The following RTN1 variants were observed in gnomAD, a reference collection of about 807,000 sequenced individuals.
RTN1 encodes the protein reticulon 1.
RTN1 carries 25 observed loss-of-function variants against 65.5 expected under a neutral mutation model. That is an observed-to-expected ratio of 0.38 (90% CI 0.28 to 0.53). RTN1 has a LOEUF of 0.53. Among genes scored for constraint, RTN1 ranks in the 20% least tolerant of loss-of-function variants. RTN1 has a pLI of 0.79. For synonymous variants in RTN1, 471 were observed against 447.6 expected, an observed-to-expected ratio of 1.05 and a Z score of -0.66; for missense variants, 983 against 1,025.4, an observed-to-expected ratio of 0.96 and a Z score of 0.57.
chr14:59,659,385 G>A (rs1883193652), intron 3 of RTN1, among the ~76,000 whole-genome samples: 1 of 152,092 alleles, frequency 6.6e-6, no homozygotes, highest in Non-Finnish European at 1.5e-5. Context: ...AGGAACCACA[G>A]AGAACACCAC....
intron 1 of RTN1, among the ~76,000 whole-genome samples, chr14:59,813,299 T>C (rs1264413431): frequency 6.6e-6 from 1 of 152,220 alleles, no homozygotes; most frequent in Non-Finnish European, 1.5e-5. Context: ...TCTAAAAATC[T>C]TCCACGAGAA....
At chr14:59,621,918 T>C (rs1414713762) in intron 3 of RTN1, among the ~76,000 whole-genome samples, 1 of 152,268 alleles carries the variant, frequency 6.6e-6, no homozygotes, top group Non-Finnish European at 1.5e-5. Context: ...CAATAAATTG[T>C]GCATAATTAT....
Position 59,638,407 on chromosome 14 carries a change from T to C in RTN1, c.1766-30915A>G, listed in dbSNP as rs547468085. On this transcript the variant is annotated intron_variant, in intron 3 of 8. Coordinates refer to ENST00000267484, the MANE Select transcript of RTN1 (RefSeq NM_021136.3). ...TATGCTGTAAACAGATGTCCTGTTA[T>C]CCAGGCTTTGATGTTAAATTTATTG... Among the ~76,000 whole-genome samples, 45 of 152,334 alleles carry C rather than the reference T, an allele frequency of 3.0e-4. 2 individuals are homozygous for C. The South Asian group carries it at 9.1e-3, about 31-fold the overall frequency.
chr14:59,626,034 T>C (rs2140180695), intron 3 of RTN1, among the ~76,000 whole-genome samples: 1 of 152,350 alleles, frequency 6.6e-6, no homozygotes, highest in East Asian at 1.9e-4. Context: ...AATATTTGTA[T>C]AATACTTTAA....
chr14:59,827,948 C>T (rs929156645), intron 1 of RTN1, among the ~76,000 whole-genome samples: 1 of 152,206 alleles, frequency 6.6e-6, no homozygotes, highest in African/African-American at 2.4e-5. Flanking sequence ...AATTTAAGTT[C>T]TCCCGTACAA....
In RTN1 at chr14:59,607,295, G is replaced by T. The variant is rs750081831; in HGVS notation, c.1963C>A (p.His655Asn). Residue 655 changes from histidine (H) to asparagine (N), a missense_variant, in exon 4 of 9, where the codon CAC (histidine) becomes AAC (asparagine). His to Asn is a moderately conservative substitution (Grantham distance 68). This residue lies in a region of RTN1 where 165 missense variants were observed against 223.6 expected (regional missense o/e 0.74). Coordinates refer to ENST00000267484, the MANE Select transcript of RTN1 (RefSeq NM_021136.3). ...LQAVQKTDEGHPFKAYLELEI... is the reference protein window; with the variant it reads ...LQAVQKTDEGNPFKAYLELEI... Reference sequence around the variant, plus strand: ...AGCTGAGGCACTCACTTGAAAGGGTGGCCTTCGTCGGTTTTCTGCACTGCT... The same window carrying T: ...AGCTGAGGCACTCACTTGAAAGGGTTGCCTTCGTCGGTTTTCTGCACTGCT... 2 of 1,613,802 alleles carry T rather than the reference G, an allele frequency of 1.2e-6. No individual in the cohort carries two copies. Among genetic ancestry groups the T allele is most frequent in the Non-Finnish European group, 1.7e-6 (2 of 1,179,882 alleles).
chr14:59,607,042 A>G (rs1045105876), intron 4 of RTN1, among the ~76,000 whole-genome samples: 13 of 152,268 alleles, frequency 8.5e-5, no homozygotes, highest in African/African-American at 3.1e-4. Context: ...GATTATGATT[A>G]CTGTTAATAG....
intron 1 of RTN1, among the ~76,000 whole-genome samples, chr14:59,780,647 C>CT (rs139018684): frequency 1.3e-5 from 2 of 151,960 alleles, no homozygotes; most frequent in East Asian, 3.9e-4. Context: ...TTTTGTTTTT[C>CT]TTTTTTTTCC....
intron 1 of RTN1, among the ~76,000 whole-genome samples, chr14:59,804,204 C>T (rs1218984668): frequency 1.3e-5 from 2 of 152,106 alleles, no homozygotes; most frequent in Non-Finnish European, 2.9e-5. Flanking sequence ...TTTTTATAAG[C>T]TTAACAGTTT....
intron 1 of RTN1, among the ~76,000 whole-genome samples, chr14:59,819,050 C>T (rs1886873961): frequency 6.6e-6 from 1 of 152,062 alleles, no homozygotes; most frequent in Admixed American, 6.5e-5. Flanking sequence ...GTGAGTGTTA[C>T]AGTTCATAAA....
At chr14:59,615,857 G>T (rs1458264094) in intron 3 of RTN1, among the ~76,000 whole-genome samples, 1 of 152,114 alleles carries the variant, frequency 6.6e-6, no homozygotes, top group South Asian at 2.1e-4. Flanking sequence ...ATTGCATCTT[G>T]TTTGGAAAGC....
chr14:59,735,573 G>T (rs1255469584), intron 2 of RTN1, among the ~76,000 whole-genome samples: 2 of 152,136 alleles, frequency 1.3e-5, no homozygotes, highest in African/African-American at 2.4e-5. Context: ...ACAGAATAAA[G>T]CAGAGGTTGC....
At chr14:59,780,931 C>A (rs746551215) in intron 1 of RTN1, among the ~76,000 whole-genome samples, 3 of 152,182 alleles carry the variant, frequency 2.0e-5, no homozygotes, top group Non-Finnish European at 4.4e-5. Flanking sequence ...AATTCTGATT[C>A]CATCTCCCCT....
At chr14:59,782,586 A>T (rs546139006) in intron 1 of RTN1, among the ~76,000 whole-genome samples, 1 of 152,342 alleles carries the variant, frequency 6.6e-6, no homozygotes, top group East Asian at 1.9e-4. Context: ...TCAGCTTTTT[A>T]TCCCAAGTCT....
chr14:59,750,494 AT>A (rs1362040989), intron 1 of RTN1, among the ~76,000 whole-genome samples: 36 of 53,518 alleles, frequency 6.7e-4, no homozygotes, highest in Non-Finnish European at 1.0e-3. Flanking sequence ...TAATATATAT[AT>A]TATATCTATA....
In RTN1 at chr14:59,870,366, G is replaced by C; in HGVS notation, c.241+24C>G. 1 of 1,483,926 alleles carries C rather than the reference G, an allele frequency of 6.7e-7. No homozygotes were observed. The allele number at this position is 1,483,926 out of a possible 1,614,324, so 91.9% of individuals were successfully genotyped here. ...GGGGCCCTGGTCCCCGACGCCATTTGAGGGGCAGCGGCGCCCGCCTTACCT... is the reference window on the plus strand; with the variant it reads ...GGGGCCCTGGTCCCCGACGCCATTTCAGGGGCAGCGGCGCCCGCCTTACCT... On this transcript the variant is annotated intron_variant, in intron 1 of 8. Coordinates refer to ENST00000267484, the MANE Select transcript of RTN1 (RefSeq NM_021136.3). This position sits in a 1 kb window ranked among gnomAD's most constrained non-coding sequence, Gnocchi z 5.1.
Position 59,620,764 on chromosome 14 carries a change from T to C in RTN1, c.1766-13272A>G, listed in dbSNP as rs73307693. Among the ~76,000 whole-genome samples, 941 of 152,258 alleles carry C rather than the reference T, an allele frequency of 6.2e-3. 9 individuals are homozygous for C. Among genetic ancestry groups the C allele is most frequent in the African/African-American group, 0.022 (906 of 41,550 alleles). ...AAGGGTTTCTTGGGGATCCATTCAA[T>C]AGAATTAGATGCTGAATGTTCTGAT... On this transcript the variant is annotated intron_variant, in intron 3 of 8. Coordinates refer to ENST00000267484, the MANE Select transcript of RTN1 (RefSeq NM_021136.3).
intron 1 of RTN1, among the ~76,000 whole-genome samples, chr14:59,864,163 A>C (rs1887758738): frequency 6.6e-6 from 1 of 152,152 alleles, no homozygotes; most frequent in Non-Finnish European, 1.5e-5. Flanking sequence ...AGTAATATTT[A>C]AAGCTGTTAC....
At chr14:59,613,445 C>A (rs772701698) in intron 3 of RTN1, among the ~76,000 whole-genome samples, 3 of 151,996 alleles carry the variant, frequency 2.0e-5, no homozygotes, top group Non-Finnish European at 4.4e-5. Flanking sequence ...ACTATAGGTG[C>A]GCGCAAACAC....
Sources: gnomAD v4.1 joint callset for allele counts (sites outside exome capture counted in the v4.1 genomes callset) on GRCh38, gnomAD v4.1.1 for gene constraint, gnomAD v4.1.1 regional missense constraint, Gnocchi (gnomAD v3.1) non-coding constraint, MANE v1.5 for transcripts, NCBI Gene and HGNC (gene_info 2026-07-23, HGNC 2026-07-21) for gene names.